Variants in ARHGAP22 observed in about 807,000 individuals in gnomAD.
The protein encoded by ARHGAP22 is rho GTPase-activating protein 22.
ARHGAP22 carries 48 observed loss-of-function variants against 59.1 expected under a neutral mutation model. The ratio of observed to expected loss-of-function variants is 0.81; its 90% CI spans 0.64 to 1.03. The LOEUF is 1.03. Among genes scored for constraint, ARHGAP22 ranks in the 50% least tolerant of loss-of-function variants. The pLI is 0.00. For synonymous variants in ARHGAP22, 445 were observed against 416.4 expected (o/e 1.07, Z -0.84); for missense variants, 1,015 against 958.7 (o/e 1.06, Z -0.78).
chr10:48,484,922 T>C (rs770342021), intron 3 of ARHGAP22, among the ~76,000 whole-genome samples: 13 of 152,250 alleles, frequency 8.5e-5, no homozygotes, highest in Non-Finnish European at 1.8e-4. Context: ...TTTTGCTTCA[T>C]TGACTTTTTT....
At chr10:48,437,148 GTTCAA>G in the ARHGAP22 span, 1 of 152,132 alleles carries the variant, frequency 6.6e-6, no homozygotes, top group East Asian at 1.9e-4. Flanking sequence ...ATCATGTTCA[GTTCAA>G]TTCAAAGAAA....
At position 48,583,161 on chromosome 10, in the gene ARHGAP22, C is replaced by A. The variant is rs776407091; in HGVS notation, c.35-9G>T. 3.1e-6 allele frequency: 5 copies of A among 1,612,436 alleles called. No homozygotes were observed. The highest frequency in any genetic ancestry group is 4.2e-6 in the Non-Finnish European group (5 of 1,179,336). ...TAGGCTTTTGGAGCGGGCTGAAAGC[C>A]AAGGACACACAGAGTGAGCATGAAG... On this transcript the variant is annotated splice_polypyrimidine_tract_variant and intron_variant, in intron 1 of 9. Coordinates refer to ENST00000249601, the MANE Select transcript of ARHGAP22 (RefSeq NM_021226.4).
upstream of ARHGAP22, among the ~76,000 whole-genome samples, chr10:48,605,461 C>A (rs1450164606): frequency 6.6e-6 from 1 of 151,878 alleles, no homozygotes; most frequent in East Asian, 1.9e-4. Context: ...AGACTCCCAA[C>A]AGGAAGATGC....
At chr10:48,549,916 C>G (rs1225658940) in intron 3 of ARHGAP22, among the ~76,000 whole-genome samples, 1 of 152,188 alleles carries the variant, frequency 6.6e-6, no homozygotes, top group African/African-American at 2.4e-5. Flanking sequence ...CTCACTAAAG[C>G]TTGAGAACCA....
intron 1 of ARHGAP22, among the ~76,000 whole-genome samples, chr10:48,619,850 G>C (rs2061221632): frequency 6.6e-6 from 1 of 152,092 alleles, no homozygotes; most frequent in Non-Finnish European, 1.5e-5. Flanking sequence ...AGACAAATAA[G>C]ATTACATCAG....
At chr10:48,485,199 C>T (rs1290803742) in intron 3 of ARHGAP22, among the ~76,000 whole-genome samples, 2 of 151,950 alleles carry the variant, frequency 1.3e-5, no homozygotes, top group Non-Finnish European at 2.9e-5. Flanking sequence ...CTTCTGCTTA[C>T]CTTGGGTTTA....
chr10:48,642,225 T>A (rs561548531), intron 1 of ARHGAP22, among the ~76,000 whole-genome samples: 13 of 152,136 alleles, frequency 8.5e-5, no homozygotes, highest in Non-Finnish European at 1.3e-4. Context: ...TTCACAGAAC[T>A]GGAAAAAACT....
intron 4 of ARHGAP22, among the ~76,000 whole-genome samples, chr10:48,472,070 G>T (rs1009311159): frequency 6.6e-6 from 1 of 152,010 alleles, no homozygotes. Context: ...CACTGGGTGC[G>T]GTGGCGGGTG....
At chr10:48,513,764 T>A (rs1303927456) in intron 3 of ARHGAP22, among the ~76,000 whole-genome samples, 1 of 152,162 alleles carries the variant, frequency 6.6e-6, no homozygotes, top group African/African-American at 2.4e-5. Context: ...AATAGGTAAG[T>A]ATGGCCCATA....
chr10:48,483,519 C>A (rs2049539282), intron 3 of ARHGAP22, among the ~76,000 whole-genome samples: 1 of 152,136 alleles, frequency 6.6e-6, no homozygotes, highest in Non-Finnish European at 1.5e-5. Context: ...ATTTACATTC[C>A]CACCAACAAT....
chr10:48,554,983 A>T (rs913167639), intron 3 of ARHGAP22, among the ~76,000 whole-genome samples: 2 of 152,242 alleles, frequency 1.3e-5, no homozygotes, highest in African/African-American at 2.4e-5. Flanking sequence ...GACATTGTCA[A>T]ACTTGGAAGT....
At chr10:48,514,962 A>G (rs1173255699) in intron 3 of ARHGAP22, among the ~76,000 whole-genome samples, 2 of 152,200 alleles carry the variant, frequency 1.3e-5, no homozygotes. Context: ...AAACAATAAG[A>G]GAATTATATT....
chr10:48,456,388 C>T (rs938637782), intron 5 of ARHGAP22, among the ~76,000 whole-genome samples: 4 of 152,182 alleles, frequency 2.6e-5, no homozygotes, highest in African/African-American at 9.7e-5. Context: ...GACTCTTGGT[C>T]TGGCTGGATC....
At chr10:48,564,940 A>T (rs1375995038) in intron 2 of ARHGAP22, among the ~76,000 whole-genome samples, 2 of 152,218 alleles carry the variant, frequency 1.3e-5, no homozygotes, top group Admixed American at 1.3e-4. Flanking sequence ...CTCCCAGAAC[A>T]CCGGATGGTC....
chr10:48,545,263 G>C (rs1342269697), intron 3 of ARHGAP22, among the ~76,000 whole-genome samples: 1 of 152,170 alleles, frequency 6.6e-6, no homozygotes, highest in Non-Finnish European at 1.5e-5. Flanking sequence ...CTCTATAGAA[G>C]AGCGCTGCTC....
rs1186891070 is a variant in ARHGAP22 at position 48,634,228 on chromosome 10, A to G, written c.52+18006T>C. ...GTACTGCTGTGAGTGAGCACTAAAG[A>G]TGGGTCAGCTCAGATCTGGGTTGAG... On this transcript the variant is annotated intron_variant, in intron 1 of 9. Transcript: ENST00000435790. Among the ~76,000 whole-genome samples, 4 of 152,310 alleles carry G rather than the reference A, an allele frequency of 2.6e-5. No homozygotes were observed. In the East Asian group the frequency reaches 7.7e-4, roughly 29 times the overall value.
chr10:48,619,445 C>T (rs1410768760), intron 1 of ARHGAP22, among the ~76,000 whole-genome samples: 1 of 152,092 alleles, frequency 6.6e-6, no homozygotes, highest in Non-Finnish European at 1.5e-5. Flanking sequence ...TAAAAATAAA[C>T]TCAAAGTGTT....
At chr10:48,552,069 A>G (rs1394478641) in intron 3 of ARHGAP22, among the ~76,000 whole-genome samples, 1 of 152,270 alleles carries the variant, frequency 6.6e-6, no homozygotes, top group East Asian at 1.9e-4. Context: ...CTCATTTTTA[A>G]TTCTACTTTG....
the ARHGAP22 span, chr10:48,439,228 T>C: frequency 6.6e-6 from 1 of 150,778 alleles, no homozygotes; most frequent in Non-Finnish European, 1.5e-5. Context: ...CTGAGATCAT[T>C]ATTGTGGTTT....
Sources: gnomAD v4.1 joint callset for allele counts (sites outside exome capture counted in the v4.1 genomes callset) on GRCh38, gnomAD v4.1.1 for gene constraint, MANE v1.5 for transcripts, NCBI Gene and HGNC (gene_info 2026-07-23, HGNC 2026-07-21) for gene names.